Variants in NHS observed in about 807,000 individuals in gnomAD.
The protein encoded by NHS is actin remodeling regulator NHS.
Under a neutral mutation model 72.5 loss-of-function variants are expected in NHS, and 5 were observed. The observed-to-expected ratio is 0.07, with a 90% CI of 0.04 to 0.14. The LOEUF (loss-of-function observed/expected upper bound fraction) is 0.14, where lower values mean the gene tolerates loss of function less well. Among genes scored for constraint, NHS ranks in the 10% least tolerant of loss-of-function variants. The pLI is 1.00. For synonymous variants in NHS, 464 were observed against 547.7 expected, an observed-to-expected ratio of 0.85 and a Z score of 2.13; for missense variants, 1,072 against 1,355.7, an observed-to-expected ratio of 0.79 and a Z score of 3.29.
chrX:17,552,984 C>G (rs1452314261), intron 1 of NHS, among the ~76,000 whole-genome samples: 1 of 112,866 alleles, frequency 8.9e-6, no homozygotes, highest in Non-Finnish European at 1.9e-5. Flanking sequence ...GCTTTCAGCT[C>G]TTGGGCGACC....
rs376925409 is a variant in NHS, at chrX:17,446,598, A to G, written c.565+70276A>G. Among the ~76,000 whole-genome samples, 6 of 107,801 alleles carry G rather than the reference A, an allele frequency of 5.6e-5. No homozygotes were observed. In the East Asian group the frequency reaches 1.2e-3, roughly 21 times the overall value. The allele number at this position is 107,801 out of a possible 115,157, so 93.6% of individuals were successfully genotyped here. A position where few individuals can be genotyped will look rare whatever the true frequency, so the allele number is the denominator to read the frequency against. On this transcript the variant is annotated intron_variant, in intron 1 of 8. Transcript: ENST00000676302. ...GGCCCCACCCCTATCTCCTTTCGCT[A>G]ACTCTCTTTTCAGACTCAGCCCACC...
chrX:17,695,921 C>T (rs2066226489), intron 3 of NHS, among the ~76,000 whole-genome samples: 2 of 86,430 alleles, frequency 2.3e-5, no homozygotes, highest in South Asian at 1.4e-3. Context: ...CAGGGAAAAG[C>T]TTCCTTAAAA....
chrX:17,670,087 T>G (rs992693398), intron 1 of NHS, among the ~76,000 whole-genome samples: 131 of 112,362 alleles, frequency 1.2e-3, no homozygotes, highest in African/African-American at 4.0e-3. Flanking sequence ...ATAGCTACTA[T>G]TGAAAGAAGA....
chrX:17,560,125 C>T (rs1601770711), intron 1 of NHS, among the ~76,000 whole-genome samples: 1 of 111,993 alleles, frequency 8.9e-6, no homozygotes, highest in African/African-American at 3.2e-5. Context: ...TTTTGAAGGC[C>T]GCTTGTTTAA....
At chrX:17,660,198 T>A (rs1380582488) in intron 1 of NHS, among the ~76,000 whole-genome samples, 1 of 111,959 alleles carries the variant, frequency 8.9e-6, no homozygotes, top group African/African-American at 3.3e-5. Flanking sequence ...ATGAAGCTTT[T>A]TTTTTCTTTC....
At chrX:17,704,247 C>T (rs1367365481) in intron 3 of NHS, among the ~76,000 whole-genome samples, 2 of 110,147 alleles carry the variant, frequency 1.8e-5, no homozygotes, top group African/African-American at 6.6e-5. Flanking sequence ...CATTGCACTC[C>T]AGCCTGGGTG....
At chrX:17,695,436 TTTA>T (rs2066222402) in intron 3 of NHS, among the ~76,000 whole-genome samples, 2 of 112,076 alleles carry the variant, frequency 1.8e-5, no homozygotes, top group East Asian at 5.6e-4. Context: ...AAATGTATAT[TTTA>T]TTATCAGGGA....
At chrX:17,584,019 T>A (rs1441201958) in intron 1 of NHS, among the ~76,000 whole-genome samples, 2 of 111,709 alleles carry the variant, frequency 1.8e-5, no homozygotes, top group Non-Finnish European at 3.8e-5. Flanking sequence ...GGAGTTGGCA[T>A]AGAGGAAGCC....
intron 1 of NHS, among the ~76,000 whole-genome samples, chrX:17,564,958 G>A (rs1017547650): frequency 9.1e-6 from 1 of 109,644 alleles, no homozygotes; most frequent in Non-Finnish European, 1.9e-5. Flanking sequence ...TGGCAAATTG[G>A]GTACAGCCAC....
At chrX:17,661,436 CCT>C (rs1298834382) in intron 1 of NHS, among the ~76,000 whole-genome samples, 2 of 109,617 alleles carry the variant, frequency 1.8e-5, no homozygotes, top group South Asian at 4.2e-4. Context: ...CCCCCCACCC[CCT>C]GACAGGCCCC....
chrX:17,420,742 A>G (rs1002853453), intron 1 of NHS, among the ~76,000 whole-genome samples: 19 of 112,195 alleles, frequency 1.7e-4, no homozygotes, highest in Middle Eastern at 4.6e-3. Flanking sequence ...CACATAAAAA[A>G]TATTTGTAAA....
chrX:17,542,614 A>G (rs16980617), intron 1 of NHS, among the ~76,000 whole-genome samples: 194 of 112,234 alleles, frequency 1.7e-3, no homozygotes, highest in African/African-American at 6.2e-3. Context: ...TATTATTCAC[A>G]TGTCTGAATC....
chrX:17,619,809 T>C (rs1357223924), intron 1 of NHS, among the ~76,000 whole-genome samples: 1 of 111,767 alleles, frequency 8.9e-6, no homozygotes, highest in African/African-American at 3.3e-5. Context: ...ACCCCACTCA[T>C]GTCTGGGTTG....
At chrX:17,397,785 A>G (rs1391271125) in intron 1 of NHS, among the ~76,000 whole-genome samples, 1 of 112,153 alleles carries the variant, frequency 8.9e-6, no homozygotes, top group Non-Finnish European at 1.9e-5. Flanking sequence ...CCATTCATCC[A>G]TCCATCTATC....
Position 17,726,679 on chromosome X carries a change from T to C in NHS, c.2573T>C (p.Leu858Ser). ...ACCCCACCTAAACGTAGCTCATCAT[T>C]GAGGAAGTCTGATGGAAACGCAGAT... is the stretch of plus-strand genomic sequence containing the variant. ...KPTPPKRSSS[L>S]RKSDGNADIS... Residue 858 changes from leucine (L) to serine (S), a missense_variant, in exon 7 of 9, where the codon TTG becomes TCG. Physicochemically the swap from Leu to Ser is moderately radical, Grantham distance 145. Coordinates refer to ENST00000676302, the MANE Select transcript of NHS (RefSeq NM_001291867.2). 8.3e-7 allele frequency: 1 copy of C among 1,211,686 alleles called. No individual in the cohort carries two copies.
At chrX:17,677,017 A>C (rs1470188292) in intron 1 of NHS, among the ~76,000 whole-genome samples, 1 of 112,004 alleles carries the variant, frequency 8.9e-6, no homozygotes, top group Non-Finnish European at 1.9e-5. Flanking sequence ...GGGACTTGTT[A>C]GAAATGCAGA....
At chrX:17,600,288 G>C (rs1034715913) in intron 1 of NHS, among the ~76,000 whole-genome samples, 2 of 104,506 alleles carry the variant, frequency 1.9e-5, no homozygotes, top group Non-Finnish European at 3.9e-5. Flanking sequence ...GAGAGAGACA[G>C]AGAGAGAGAG....
At chrX:17,589,665 C>CTTTTTTTTTTTTTTTTTTTTTT (rs1569288982) in intron 1 of NHS, among the ~76,000 whole-genome samples, 1 of 110,932 alleles carries the variant, frequency 9.0e-6, no homozygotes, top group African/African-American at 3.3e-5. Flanking sequence ...GTATCTTTTT[C>CTTTTTTTTTTTTTTTTTTTTTT]ATATGACTTA....
At chrX:17,475,425 GA>G (rs755326332) in intron 1 of NHS, among the ~76,000 whole-genome samples, 1 of 112,629 alleles carries the variant, frequency 8.9e-6, no homozygotes, top group African/African-American at 3.2e-5. Context: ...TGCTGCAGAG[GA>G]AATAAGAGCT....
Sources: gnomAD v4.1 joint callset for allele counts (sites outside exome capture counted in the v4.1 genomes callset) on GRCh38, gnomAD v4.1.1 for gene constraint, MANE v1.5 for transcripts, NCBI Gene and HGNC (gene_info 2026-07-23, HGNC 2026-07-21) for gene names.